The following SUGCT variants were observed in gnomAD, a reference collection of about 807,000 sequenced individuals.
SUGCT encodes succinyl-CoA:glutarate-CoA transferase.
Under a neutral mutation model 55.0 loss-of-function variants are expected in SUGCT, and 41 were observed. That is an observed-to-expected ratio of 0.74 (90% CI 0.58 to 0.97). The LOEUF (loss-of-function observed/expected upper bound fraction) is 0.97, where lower values mean the gene tolerates loss of function less well. Ranked by LOEUF, SUGCT falls within the 50% of genes least tolerant of loss-of-function variation. The probability of loss-of-function intolerance (pLI) is 0.00; values close to 1 mark genes in which losing one functional copy is unlikely to be tolerated. For missense variants in SUGCT, 568 were observed against 547.8 expected (o/e 1.04, Z -0.37); for synonymous variants, 187 against 200.4 (o/e 0.93, Z 0.56).
At chr7:40,137,124 CTT>C (rs1491493616) in intron 1 of SUGCT, among the ~76,000 whole-genome samples, 1 of 151,922 alleles carries the variant, frequency 6.6e-6, no homozygotes, top group East Asian at 1.9e-4. Flanking sequence ...CCAAAATTAA[CTT>C]TATTATTATT....
chr7:40,471,262 A>G (rs995892366), intron 11 of SUGCT, among the ~76,000 whole-genome samples: 3 of 152,082 alleles, frequency 2.0e-5, no homozygotes, highest in Non-Finnish European at 4.4e-5. Context: ...TGGGTCTCTG[A>G]ATGCACACTA....
At chr7:40,375,812 G>A (rs145428151) in intron 9 of SUGCT, among the ~76,000 whole-genome samples, 63 of 152,190 alleles carry the variant, frequency 4.1e-4, no homozygotes, top group East Asian at 1.7e-3. Context: ...GTACCCTCAG[G>A]GAATGTGCAT....
chr7:40,426,849 T>C (rs1787613960), intron 9 of SUGCT, among the ~76,000 whole-genome samples: 2 of 152,166 alleles, frequency 1.3e-5, no homozygotes, highest in Non-Finnish European at 2.9e-5. Flanking sequence ...GGTCTTGCTC[T>C]GTCACCCAAG....
the SUGCT span, among the ~76,000 whole-genome samples, chr7:40,915,786 A>G: frequency 2.0e-5 from 3 of 152,350 alleles, no homozygotes; most frequent in East Asian, 5.8e-4. Context: ...TATGTTCCAG[A>G]CAATGTAGAA....
chr7:40,143,208 A>G (rs766966192), intron 1 of SUGCT, among the ~76,000 whole-genome samples: 9 of 152,352 alleles, frequency 5.9e-5, no homozygotes, highest in Non-Finnish European at 1.0e-4. Flanking sequence ...AAGGTCCTCC[A>G]TAATCCCACC....
At chr7:40,592,830 G>T (rs1297943835) in intron 12 of SUGCT, among the ~76,000 whole-genome samples, 1 of 152,136 alleles carries the variant, frequency 6.6e-6, no homozygotes, top group East Asian at 1.9e-4. Flanking sequence ...TCCCATTGCT[G>T]TTTCCCATCT....
chr7:40,491,713 G>A (rs1234142810), intron 11 of SUGCT, among the ~76,000 whole-genome samples: 3 of 152,078 alleles, frequency 2.0e-5, no homozygotes, highest in Non-Finnish European at 4.4e-5. Flanking sequence ...AGGGAGGGCC[G>A]GGTGTGGTGG....
At chr7:40,708,592 A>G (rs1290264385) in intron 12 of SUGCT, among the ~76,000 whole-genome samples, 3 of 152,152 alleles carry the variant, frequency 2.0e-5, no homozygotes, top group Non-Finnish European at 4.4e-5. Flanking sequence ...GGGACCTGCA[A>G]GCACCTATGT....
chr7:40,481,432 T>G (rs1390614740), intron 11 of SUGCT, among the ~76,000 whole-genome samples: 1 of 151,542 alleles, frequency 6.6e-6, no homozygotes, highest in Non-Finnish European at 1.5e-5. Context: ...TGATGTAGAA[T>G]AAAGCAAATG....
At chr7:40,772,879 C>T (rs887998159) in intron 13 of SUGCT, among the ~76,000 whole-genome samples, 2 of 152,058 alleles carry the variant, frequency 1.3e-5, no homozygotes, top group Non-Finnish European at 2.9e-5. Flanking sequence ...CCCGCCACGG[C>T]CTCCCACAGT....
At chr7:40,315,782 C>T (rs112970971) in intron 8 of SUGCT, among the ~76,000 whole-genome samples, 1 of 152,114 alleles carries the variant, frequency 6.6e-6, no homozygotes, top group Non-Finnish European at 1.5e-5. Context: ...GAAAAGCAAG[C>T]CGGTGCTATA....
chr7:40,968,495 A>G, the SUGCT span, among the ~76,000 whole-genome samples: 1 of 152,186 alleles, frequency 6.6e-6, no homozygotes, highest in African/African-American at 2.4e-5. Flanking sequence ...CCAGCACTGG[A>G]GAGCTGAGAA....
chr7:40,589,292 G>A (rs1007534996), intron 12 of SUGCT, among the ~76,000 whole-genome samples: 11 of 152,058 alleles, frequency 7.2e-5, no homozygotes, highest in African/African-American at 2.7e-4. Context: ...AACAATGCAT[G>A]AGACTGGGTA....
chr7:40,759,261 A>G (rs1166238660), intron 13 of SUGCT, among the ~76,000 whole-genome samples: 1 of 152,138 alleles, frequency 6.6e-6, no homozygotes, highest in Non-Finnish European at 1.5e-5. Context: ...TTTTAATTTA[A>G]TGGAAAAATG....
chr7:40,145,638 A>G (rs577151853), intron 1 of SUGCT, among the ~76,000 whole-genome samples: 2 of 152,252 alleles, frequency 1.3e-5, no homozygotes, highest in South Asian at 4.1e-4. Flanking sequence ...AACTTTTAGC[A>G]AACTTTACTT....
intron 12 of SUGCT, chr7:40,538,447 G>A (rs1794489102): frequency 1.3e-5 from 2 of 152,198 alleles, no homozygotes; most frequent in Non-Finnish European, 2.9e-5. Flanking sequence ...AGTCTTTGCA[G>A]TAAAAATATC....
At chr7:40,476,978 C>T (rs1790726346) in intron 11 of SUGCT, among the ~76,000 whole-genome samples, 1 of 151,990 alleles carries the variant, frequency 6.6e-6, no homozygotes, top group African/African-American at 2.4e-5. Flanking sequence ...TGCGCCCAGC[C>T]AAATGTCGGC....
intron 7 of SUGCT, among the ~76,000 whole-genome samples, chr7:40,248,886 T>TCACACACA (rs1554296234): frequency 8.1e-5 from 9 of 111,046 alleles, no homozygotes; most frequent in Non-Finnish European, 1.3e-4. Flanking sequence ...GCGCGCGCGC[T>TCACACACA]CGCACACACA....
At chr7:40,830,899 A>C (rs992594236) in intron 13 of SUGCT, among the ~76,000 whole-genome samples, 1 of 152,174 alleles carries the variant, frequency 6.6e-6, no homozygotes, top group African/African-American at 2.4e-5. Context: ...ACCACCTTGC[A>C]TCTCTCAAAG....
Sources: allele counts gnomAD v4.1 joint callset (sites outside exome capture counted in the v4.1 genomes callset), GRCh38; gene constraint gnomAD v4.1.1; transcripts MANE v1.5; gene names NCBI Gene and HGNC (gene_info 2026-07-23, HGNC 2026-07-21).